The following WBP2NL variants were observed in gnomAD, a reference collection of about 807,000 sequenced individuals.
The protein encoded by WBP2NL is postacrosomal sheath WW domain-binding protein.
A neutral mutation model predicts 23.3 loss-of-function variants in WBP2NL; 27 were observed. That is an observed-to-expected ratio of 1.16 (90% CI 0.85 to 1.60). The LOEUF (loss-of-function observed/expected upper bound fraction) is 1.60. Among genes scored for constraint, WBP2NL ranks in the 40% most tolerant of loss-of-function variants. WBP2NL has a pLI of 0.00. For synonymous variants in WBP2NL, 151 were observed against 145.9 expected (o/e 1.03, Z -0.25); for missense variants, 370 against 389.5 (o/e 0.95, Z 0.42).
chr22:42,010,739 C>T (rs1016661367), intron 1 of WBP2NL, among the ~76,000 whole-genome samples: 5 of 152,196 alleles, frequency 3.3e-5, no homozygotes, highest in Middle Eastern at 3.4e-3. Context: ...GGGGTTTCAC[C>T]GTGTTAGCCA....
chr22:42,056,522 C>T (rs1234238020), intron 8 of WBP2NL, among the ~76,000 whole-genome samples: 2 of 152,084 alleles, frequency 1.3e-5, no homozygotes, highest in Non-Finnish European at 2.9e-5. Flanking sequence ...TCCATTTTGG[C>T]CTGAAGGATG....
In WBP2NL at chr22:42,020,033, T is replaced by G. The variant is rs780161239; in HGVS notation, c.343T>G (p.Leu115Val). The G allele has an allele frequency of 1.9e-6, 3 of 1,614,124 alleles. No homozygotes were observed. The highest frequency in any genetic ancestry group is 2.5e-6 in the Non-Finnish European group (3 of 1,180,000). Reference sequence around the variant, plus strand: ...CTGGGAAGGACAAGCTACTTTTAAATTAGTCTTCAGAAATGGAGATGCCAT... The same window carrying G: ...CTGGGAAGGACAAGCTACTTTTAAAGTAGTCTTCAGAAATGGAGATGCCAT... Reference protein sequence around the residue: ...GGWEGQATFKLVFRNGDAIEF... With the variant: ...GGWEGQATFKVVFRNGDAIEF... Residue 115 changes from leucine to valine, a missense_variant, in exon 4 of 6, where the codon TTA becomes GTA. Physicochemically the swap from Leu to Val is conservative, Grantham distance 32 (BLOSUM62 1). Coordinates refer to ENST00000328823, the MANE Select transcript of WBP2NL (RefSeq NM_152613.3).
intron 1 of WBP2NL, among the ~76,000 whole-genome samples, chr22:42,005,559 C>G (rs994720776): frequency 1.3e-5 from 2 of 152,114 alleles, no homozygotes; most frequent in African/African-American, 4.8e-5. Context: ...TGGTGGCAGA[C>G]CATCCACATT....
rs760583525 is a variant in WBP2NL, at chr22:42,026,738, AT to A, written c.515-21del. 3.8e-6 allele frequency: 6 copies of A among 1,599,916 alleles called. No homozygotes were observed. The Admixed American group carries it at 8.8e-5, about 24-fold the overall frequency. ...TATTCCTTGACTTAAAGGTAACTGA[AT>A]TTTTTTCCTTCCATTATAATTCCCA... On this transcript the variant is annotated intron_variant, in intron 5 of 5. Transcript: ENST00000328823.
intron 8 of WBP2NL, among the ~76,000 whole-genome samples, chr22:42,050,654 C>G (rs2146824339): frequency 7.6e-6 from 1 of 132,210 alleles, no homozygotes; most frequent in Admixed American, 8.5e-5. Flanking sequence ...TTCCCCCGTC[C>G]CCTCCCAAAA....
Position 42,049,688 on chromosome 22 carries a change from TCCAAAACAAAA to T in WBP2NL, c.*274-8600_*274-8590del, listed in dbSNP as rs1421841232. Among the ~76,000 whole-genome samples, 293 of 72,094 alleles carry T rather than the reference TCCAAAACAAAA, an allele frequency of 4.1e-3. 13 individuals carry two copies. The highest frequency in any genetic ancestry group is 0.021 in the African/African-American group (284 of 13,552). 47.3% of individuals were successfully genotyped at this position (72,094 alleles called of 152,430 possible). A position where few individuals can be genotyped will look rare whatever the true frequency, so the allele number is the denominator to read the frequency against. ...CTGGGTGACAGAGCGAGACTCCGTC[TCCAAAACAAAA>T]CAAAACAAAAAAAAAAAAAAAAAAA... On this transcript the variant is annotated intron_variant and NMD_transcript_variant, in intron 8 of 8. Transcript: ENST00000436265.
At chr22:42,005,878 C>T (rs1038352820) in intron 1 of WBP2NL, among the ~76,000 whole-genome samples, 4 of 152,246 alleles carry the variant, frequency 2.6e-5, no homozygotes, top group Admixed American at 6.5e-5. Context: ...ACAATCAAAA[C>T]GGTGGCTACA....
At chr22:42,046,170 C>T (rs1328191201) in intron 8 of WBP2NL, among the ~76,000 whole-genome samples, 1 of 152,164 alleles carries the variant, frequency 6.6e-6, no homozygotes, top group Non-Finnish European at 1.5e-5. Context: ...AACCAAAGGG[C>T]ACTGGTTGGT....
chr22:42,042,206 A>G (rs1925423175), intron 8 of WBP2NL, among the ~76,000 whole-genome samples: 4 of 152,224 alleles, frequency 2.6e-5, no homozygotes, highest in Admixed American at 2.6e-4. Context: ...TTTCTTTCCA[A>G]AGATTTGGGA....
intron 8 of WBP2NL, among the ~76,000 whole-genome samples, chr22:42,053,931 C>A (rs1925934327): frequency 2.0e-5 from 3 of 152,032 alleles, no homozygotes; most frequent in Non-Finnish European, 4.4e-5. Flanking sequence ...TGCATCCCAT[C>A]CTGCGAGTTG....
chr22:42,013,897 C>A (rs1179971817), intron 1 of WBP2NL, among the ~76,000 whole-genome samples: 2 of 152,102 alleles, frequency 1.3e-5, no homozygotes, highest in Non-Finnish European at 2.9e-5. Context: ...TCTCCGGCCT[C>A]AGCCTCCGGA....
intron 1 of WBP2NL, among the ~76,000 whole-genome samples, chr22:42,008,820 C>G (rs1782031752): frequency 6.6e-6 from 1 of 151,914 alleles, no homozygotes; most frequent in African/African-American, 2.4e-5. Context: ...GCTCTGTTGC[C>G]CAGGCTGGAG....
At chr22:42,013,204 C>G (rs1047110111) in intron 1 of WBP2NL, among the ~76,000 whole-genome samples, 1 of 151,696 alleles carries the variant, frequency 6.6e-6, no homozygotes, top group African/African-American at 2.4e-5. Context: ...GAAACCCCAT[C>G]TCTACTAAAA....
chr22:42,005,077 C>A (rs1372916429), intron 1 of WBP2NL, among the ~76,000 whole-genome samples: 1 of 150,506 alleles, frequency 6.6e-6, no homozygotes, highest in African/African-American at 2.5e-5. Context: ...ATTAGCCAGG[C>A]GTGGTGGTGC....
At chr22:42,013,519 T>C (rs767443937) in intron 1 of WBP2NL, among the ~76,000 whole-genome samples, 14 of 152,378 alleles carry the variant, frequency 9.2e-5, no homozygotes, top group Non-Finnish European at 1.9e-4. Flanking sequence ...TTGATTATAA[T>C]GCATGTCAGT....
intron 8 of WBP2NL, among the ~76,000 whole-genome samples, chr22:42,052,207 C>T (rs1302337310): frequency 2.0e-5 from 3 of 152,170 alleles, no homozygotes; most frequent in Non-Finnish European, 4.4e-5. Context: ...TCACATACAG[C>T]CTCTCCAGGG....
chr22:42,045,211 G>A (rs945730843), intron 8 of WBP2NL, among the ~76,000 whole-genome samples: 1 of 152,062 alleles, frequency 6.6e-6, no homozygotes, highest in Non-Finnish European at 1.5e-5. Context: ...GTCCGAGGCG[G>A]GCGGATCACG....
intron 8 of WBP2NL, among the ~76,000 whole-genome samples, chr22:42,046,536 ATTTT>A (rs200169948): frequency 0.02 from 2,997 of 152,280 alleles, 45 homozygotes; most frequent in Non-Finnish European, 0.032. Context: ...AGTTTTATGA[ATTTT>A]TTGTCACATC....
chr22:42,013,708 C>G (rs1312498460), intron 1 of WBP2NL, among the ~76,000 whole-genome samples: 1 of 151,902 alleles, frequency 6.6e-6, no homozygotes, highest in Non-Finnish European at 1.5e-5. Context: ...ATCCCAGGCT[C>G]AAGTGATTCT....
Sources: allele counts gnomAD v4.1 joint callset (sites outside exome capture counted in the v4.1 genomes callset), GRCh38; gene constraint gnomAD v4.1.1; transcripts MANE v1.5; gene names NCBI Gene and HGNC (gene_info 2026-07-23, HGNC 2026-07-21).